The following PTPRD variants were observed in gnomAD, a reference collection of about 807,000 sequenced individuals.
The protein encoded by PTPRD is protein tyrosine phosphatase receptor type D, also known as receptor-type tyrosine-protein phosphatase delta.
Under a neutral mutation model 214.5 loss-of-function variants are expected in PTPRD, and 34 were observed. The observed-to-expected ratio is 0.16, with a 90% CI of 0.12 to 0.21. The LOEUF is 0.21. Ranked by LOEUF, PTPRD falls within the 10% of genes least tolerant of loss-of-function variation. The pLI, the probability that PTPRD is intolerant of heterozygous loss-of-function variation, is 1.00. For missense variants in PTPRD, 2,545 were observed against 2,398.7 expected, an observed-to-expected ratio of 1.06 and a Z score of -1.27; for synonymous variants, 1,128 against 845.7, an observed-to-expected ratio of 1.33 and a Z score of -5.79.
intron 3 of PTPRD, among the ~76,000 whole-genome samples, chr9:10,113,565 A>C (rs2098707951): frequency 6.6e-6 from 1 of 152,214 alleles, no homozygotes; most frequent in South Asian, 2.1e-4. Context: ...TAGGGAGCTT[A>C]ATAAACATAC....
intron 8 of PTPRD, among the ~76,000 whole-genome samples, chr9:9,446,158 A>G (rs550644243): frequency 3.7e-4 from 57 of 152,318 alleles, no homozygotes; most frequent in African/African-American, 1.3e-3. Context: ...AAACAAAACA[A>G]AACAGAACAT....
intron 11 of PTPRD, among the ~76,000 whole-genome samples, chr9:8,911,442 A>AT (rs2098747893): frequency 2.2e-5 from 3 of 134,018 alleles, no homozygotes; most frequent in African/African-American, 8.0e-5. Context: ...TGTGTGTGTG[A>AT]GAGAGAGAGA....
chr9:9,579,911 A>T (rs2090208590), intron 7 of PTPRD, among the ~76,000 whole-genome samples: 1 of 152,070 alleles, frequency 6.6e-6, no homozygotes, highest in South Asian at 2.1e-4. Flanking sequence ...AGTCCATATG[A>T]ACATATTATT....
intron 8 of PTPRD, among the ~76,000 whole-genome samples, chr9:9,552,603 T>C (rs1357933057): frequency 6.6e-6 from 1 of 152,094 alleles, no homozygotes; most frequent in Non-Finnish European, 1.5e-5. Context: ...TTCTGTCTAA[T>C]GACCTAAGAA....
intron 2 of PTPRD, among the ~76,000 whole-genome samples, chr9:10,468,468 G>A (rs1052845487): frequency 1.6e-4 from 24 of 152,072 alleles, no homozygotes; most frequent in Non-Finnish European, 2.6e-4. Flanking sequence ...CATGGACACC[G>A]GGAGGGGAAC....
chr9:8,951,864 C>G (rs907220608), intron 11 of PTPRD, among the ~76,000 whole-genome samples: 4 of 152,088 alleles, frequency 2.6e-5, no homozygotes, highest in Middle Eastern at 3.4e-3. Context: ...AAAATTTTCT[C>G]CTGCTCAAAA....
At chr9:8,552,674 A>C (rs956354225) in intron 14 of PTPRD, among the ~76,000 whole-genome samples, 3 of 151,790 alleles carry the variant, frequency 2.0e-5, no homozygotes, top group Non-Finnish European at 4.4e-5. Context: ...TGGGGTGTTC[A>C]TGAGCAATGC....
intron 2 of PTPRD, among the ~76,000 whole-genome samples, chr9:10,386,871 A>T (rs1228530545): frequency 6.6e-6 from 1 of 151,726 alleles, no homozygotes; most frequent in Non-Finnish European, 1.5e-5. Flanking sequence ...TAATAAAATG[A>T]CATTAAGATA....
At chr9:10,540,318 G>A (rs941862679) in intron 2 of PTPRD, among the ~76,000 whole-genome samples, 17 of 152,224 alleles carry the variant, frequency 1.1e-4, no homozygotes, top group Middle Eastern at 3.4e-3. Flanking sequence ...ATGAGCCACC[G>A]GACCCGGGCA....
Position 8,704,699 on chromosome 9 carries a change from C to T in PTPRD, c.64+29081G>A, listed in dbSNP as rs372133878. Among the ~76,000 whole-genome samples the T allele has an allele frequency of 2.5e-4, 37 of 150,960 alleles. 1 individual carries two copies. The South Asian group carries it at 3.8e-3, about 15-fold the overall frequency. Reference sequence around the variant, plus strand: ...ATTTAGATGGTAAAAAGAAATGAGGCGAGCGGATCACGAGGTCAGGAGTCG... The same window carrying T: ...ATTTAGATGGTAAAAAGAAATGAGGTGAGCGGATCACGAGGTCAGGAGTCG... On this transcript the variant is annotated intron_variant, in intron 12 of 45. Coordinates refer to ENST00000381196, the MANE Select transcript of PTPRD (RefSeq NM_002839.4).
At chr9:10,463,147 A>G (rs1457993586) in intron 2 of PTPRD, among the ~76,000 whole-genome samples, 4 of 152,102 alleles carry the variant, frequency 2.6e-5, no homozygotes, top group South Asian at 2.1e-4. Context: ...CTAATATATT[A>G]TGTATACATT....
intron 7 of PTPRD, among the ~76,000 whole-genome samples, chr9:9,703,916 A>C: frequency 6.6e-6 from 1 of 152,034 alleles, no homozygotes. Flanking sequence ...ATAGGGTCTC[A>C]CTCTGTTACT....
intron 10 of PTPRD, among the ~76,000 whole-genome samples, chr9:9,079,142 T>G (rs970898218): frequency 1.3e-5 from 2 of 152,086 alleles, no homozygotes; most frequent in African/African-American, 4.8e-5. Context: ...CAGAACACTA[T>G]AACTTATTCT....
chr9:8,318,483 A>AACC (rs1434571181), intron 45 of PTPRD, among the ~76,000 whole-genome samples: 1 of 152,020 alleles, frequency 6.6e-6, no homozygotes. Flanking sequence ...AGTGAGAATC[A>AACC]CTCACAGTCA....
chr9:8,486,224 T>C lies in PTPRD; in HGVS notation c.2593A>G (p.Met865Val), dbSNP rs760873688. The C allele has an allele frequency of 1.2e-6, 2 of 1,614,192 alleles. No individual in the cohort carries two copies. Among genetic ancestry groups the C allele is most frequent in the African/African-American group, 1.3e-5 (1 of 75,060 alleles). The change falls in exon 28 of 46, where the codon ATG becomes GTG. Residue 865 changes from methionine (M) to valine (V), a missense_variant. By Grantham distance (21) the Met-to-Val change is conservative (BLOSUM62 1). Transcript: ENST00000381196. ...GYRLKFGRKDMEPLTTLEFSE... is the reference protein window; with the variant it reads ...GYRLKFGRKDVEPLTTLEFSE... ...AACTCAAGAGTAGTAAGTGGCTCCATATCCTTGCGGCCAAATTTTAGACGG... is the reference window on the plus strand; with the variant it reads ...AACTCAAGAGTAGTAAGTGGCTCCACATCCTTGCGGCCAAATTTTAGACGG...
intron 2 of PTPRD, among the ~76,000 whole-genome samples, chr9:10,363,197 G>A (rs1315767766): frequency 2.0e-5 from 3 of 152,108 alleles, no homozygotes; most frequent in Non-Finnish European, 4.4e-5. Context: ...ATTATGATTT[G>A]GAGGTTCTTG....
At chr9:9,683,985 A>T (rs947501133) in intron 7 of PTPRD, among the ~76,000 whole-genome samples, 5 of 151,626 alleles carry the variant, frequency 3.3e-5, no homozygotes, top group Non-Finnish European at 5.9e-5. Flanking sequence ...ACACGCTCTG[A>T]AAATGACAGT....
At chr9:9,950,140 C>A (rs548264795) in intron 4 of PTPRD, among the ~76,000 whole-genome samples, 66 of 152,282 alleles carry the variant, frequency 4.3e-4, no homozygotes, top group African/African-American at 1.5e-3. Context: ...ACTGTGACAA[C>A]GACCTTTGTG....
At chr9:9,938,849 A>G (rs546182974) in intron 4 of PTPRD, among the ~76,000 whole-genome samples, 1 of 152,228 alleles carries the variant, frequency 6.6e-6, no homozygotes, top group Non-Finnish European at 1.5e-5. Flanking sequence ...ATAAAAGGTT[A>G]TTTATTACTT....
Sources: gnomAD v4.1 joint callset for allele counts (sites outside exome capture counted in the v4.1 genomes callset) on GRCh38, gnomAD v4.1.1 for gene constraint, MANE v1.5 for transcripts, NCBI Gene and HGNC (gene_info 2026-07-23, HGNC 2026-07-21) for gene names.